Variants in SLC31A1 observed in about 807,000 individuals in gnomAD.
SLC31A1 encodes the protein solute carrier family 31 member 1.
A neutral mutation model predicts 17.2 loss-of-function variants in SLC31A1; 5 were observed. That is an observed-to-expected ratio of 0.29 (90% confidence interval 0.15 to 0.61). SLC31A1 has a LOEUF of 0.61. Among genes scored for constraint, SLC31A1 ranks in the 20% least tolerant of loss-of-function variants. SLC31A1 has a pLI of 0.86. For synonymous variants in SLC31A1, 76 were observed against 78.8 expected, an observed-to-expected ratio of 0.96 and a Z score of 0.19; for missense variants, 161 against 241.4, an observed-to-expected ratio of 0.67 and a Z score of 2.21.
At chr9:113,240,586 C>G (rs1218484783) in intron 1 of SLC31A1, among the ~76,000 whole-genome samples, 1 of 151,964 alleles carries the variant, frequency 6.6e-6, no homozygotes, top group African/African-American at 2.4e-5. Flanking sequence ...TCAAAAAGAT[C>G]AAGGTCCATG....
Position 113,239,809 on chromosome 9 carries a change from C to T in SLC31A1, c.-35-16305C>T, listed in dbSNP as rs139126382. ...CCGTTGGCCAGTCTGGTCTTGAACT[C>T]CTGACCTCAAGTGATTCACCCTTCT... is the stretch of plus-strand genomic sequence containing the variant. On this transcript the variant is annotated intron_variant, in intron 1 of 4. Coordinates refer to ENST00000374212, the MANE Select transcript of SLC31A1 (RefSeq NM_001859.4). Among the ~76,000 whole-genome samples, 1,015 of 152,344 alleles carry T rather than the reference C, an allele frequency of 6.7e-3. 9 individuals carry two copies. The highest frequency in any genetic ancestry group is 0.024 in the African/African-American group (979 of 41,578).
At chr9:113,237,486 T>C (rs1831474599) in intron 1 of SLC31A1, among the ~76,000 whole-genome samples, 1 of 152,148 alleles carries the variant, frequency 6.6e-6, no homozygotes, top group African/African-American at 2.4e-5. Context: ...TTTTCTGAGT[T>C]GCCCTTAGAA....
At chr9:113,247,596 CA>C (rs2119005837) in intron 1 of SLC31A1, among the ~76,000 whole-genome samples, 1 of 152,312 alleles carries the variant, frequency 6.6e-6, no homozygotes, top group South Asian at 2.1e-4. Flanking sequence ...TTAGATTTTA[CA>C]GACTGTGTCT....
chr9:113,252,327 G>A (rs1447984875), intron 1 of SLC31A1, among the ~76,000 whole-genome samples: 4 of 152,070 alleles, frequency 2.6e-5, no homozygotes, highest in South Asian at 2.1e-4. Flanking sequence ...ATGGAGTCTC[G>A]GTCTGTCACG....
intron 1 of SLC31A1, among the ~76,000 whole-genome samples, chr9:113,245,494 C>T (rs753965337): frequency 6.6e-6 from 1 of 152,130 alleles, no homozygotes; most frequent in Non-Finnish European, 1.5e-5. Flanking sequence ...AGCCAGCACC[C>T]GGGGAATGAG....
At chr9:113,229,406 A>G (rs1831378417) in intron 1 of SLC31A1, among the ~76,000 whole-genome samples, 3 of 152,226 alleles carry the variant, frequency 2.0e-5, no homozygotes, top group Admixed American at 2.0e-4. Flanking sequence ...AAATTATAGC[A>G]TACAGTATAT....
Position 113,263,264 on chromosome 9 carries a change from T to G in SLC31A1, c.*2791T>G, listed in dbSNP as rs1184902779. On this transcript the variant is annotated 3_prime_UTR_variant, in exon 5 of 5. Transcript: ENST00000374212. ...GGTCTTCAGGTATTCAGGATAGAGA[T>G]AATCTCCTGAAAAACCTGAATTTCA... 1 of 152,244 alleles carries G rather than the reference T, an allele frequency of 6.6e-6. No individual in the cohort carries two copies. The highest frequency in any genetic ancestry group is 1.5e-5 in the Non-Finnish European group (1 of 68,044). 9.4% of individuals were successfully genotyped at this position (152,244 alleles called of 1,614,324 possible).
chr9:113,232,333 A>G (rs1320384226), intron 1 of SLC31A1, among the ~76,000 whole-genome samples: 1 of 152,222 alleles, frequency 6.6e-6, no homozygotes, highest in Non-Finnish European at 1.5e-5. Flanking sequence ...TATCATAGGA[A>G]TATGAAGAAG....
At chr9:113,232,364 CAG>C (rs1337419391) in intron 1 of SLC31A1, among the ~76,000 whole-genome samples, 2 of 151,782 alleles carry the variant, frequency 1.3e-5, no homozygotes, top group Non-Finnish European at 2.9e-5. Context: ...AGTCAGAAAA[CAG>C]GGAGAAAGAA....
chr9:113,224,260 G>GC, intron 1 of SLC31A1, among the ~76,000 whole-genome samples: 1 of 152,158 alleles, frequency 6.6e-6, no homozygotes, highest in Admixed American at 6.5e-5. Context: ...GAGCTTGCTA[G>GC]CCCCTGGCCT....
At chr9:113,229,330 C>T (rs1831377251) in intron 1 of SLC31A1, among the ~76,000 whole-genome samples, 2 of 152,192 alleles carry the variant, frequency 1.3e-5, no homozygotes, top group South Asian at 4.1e-4. Context: ...CCCCAACTCC[C>T]CTGCAGATAG....
chr9:113,251,428 TA>T (rs1831651768), intron 1 of SLC31A1, among the ~76,000 whole-genome samples: 1 of 151,008 alleles, frequency 6.6e-6, no homozygotes, highest in Non-Finnish European at 1.5e-5. Flanking sequence ...TCTAAAAAAA[TA>T]AAAAATAAAA....
At chr9:113,236,272 G>A (rs1378453968) in intron 1 of SLC31A1, among the ~76,000 whole-genome samples, 2 of 152,168 alleles carry the variant, frequency 1.3e-5, no homozygotes, top group African/African-American at 2.4e-5. Flanking sequence ...ACAGGTGTGA[G>A]CCACTGCGCC....
chr9:113,246,508 C>T (rs1418702538), intron 1 of SLC31A1, among the ~76,000 whole-genome samples: 8 of 151,536 alleles, frequency 5.3e-5, no homozygotes, highest in Non-Finnish European at 5.9e-5. Context: ...CGTGCCACCA[C>T]GCCCGGCTAA....
At chr9:113,235,965 C>G (rs1564207352) in intron 1 of SLC31A1, among the ~76,000 whole-genome samples, 1 of 152,186 alleles carries the variant, frequency 6.6e-6, no homozygotes, top group Non-Finnish European at 1.5e-5. Context: ...GTATATCAAT[C>G]ATTATTCAGA....
At chr9:113,235,988 T>TTTTTG (rs951503911) in intron 1 of SLC31A1, among the ~76,000 whole-genome samples, 45 of 152,330 alleles carry the variant, frequency 3.0e-4, no homozygotes, top group African/African-American at 1.0e-3. Context: ...GCGTTTCATT[T>TTTTTG]TTTTGTTTTG....
intron 1 of SLC31A1, among the ~76,000 whole-genome samples, chr9:113,249,727 G>T (rs1441718042): frequency 2.6e-5 from 4 of 151,842 alleles, no homozygotes; most frequent in Non-Finnish European, 5.9e-5. Flanking sequence ...AATATTTTAG[G>T]TAGATTTTAT....
Position 113,258,856 on chromosome 9 carries a change from C to G in SLC31A1, c.365C>G (p.Thr122Ser), listed in dbSNP as rs2233916. The change falls in exon 4 of 5, where the codon ACT (threonine) becomes AGT (serine). Residue 122 changes from threonine (T) to serine (S), a missense_variant. Physicochemically the swap from Thr to Ser is moderately conservative, Grantham distance 58 (BLOSUM62 1). Transcript: ENST00000374212. The surrounding 1 kb of genome is among the most constrained non-coding windows in gnomAD (Gnocchi z 4.8). Reference protein sequence around the residue: ...NGTILMETHKTVGQQMLSFPH... With the variant: ...NGTILMETHKSVGQQMLSFPH... ...ACCATCCTTATGGAGACACACAAAACTGTTGGGTAAGAACTGAACAGATCC... is the reference window on the plus strand; with the variant it reads ...ACCATCCTTATGGAGACACACAAAAGTGTTGGGTAAGAACTGAACAGATCC... 11 of 1,614,108 alleles carry G rather than the reference C, an allele frequency of 6.8e-6. No individual in the cohort carries two copies. In the East Asian group the frequency reaches 2.4e-4, roughly 36 times the overall value.
At chr9:113,223,992 T>C (rs1222689464) in intron 1 of SLC31A1, among the ~76,000 whole-genome samples, 1 of 152,258 alleles carries the variant, frequency 6.6e-6, no homozygotes, top group Non-Finnish European at 1.5e-5. Flanking sequence ...ATAATAGTTA[T>C]ATGCATAACA....
Sources: allele counts gnomAD v4.1 joint callset (sites outside exome capture counted in the v4.1 genomes callset), GRCh38; gene constraint gnomAD v4.1.1; non-coding constraint Gnocchi (gnomAD v3.1); transcripts MANE v1.5; gene names NCBI Gene and HGNC (gene_info 2026-07-23, HGNC 2026-07-21).